The following CTXND1 variants were observed in gnomAD, a reference collection of about 807,000 sequenced individuals.
The protein encoded by CTXND1 is cortexin domain containing 1.
chr15:80,204,862 G>A (rs1375929316), intron 1 of CTXND1, among the ~76,000 whole-genome samples: 1 of 151,924 alleles, frequency 6.6e-6, no homozygotes, highest in Non-Finnish European at 1.5e-5. Context: ...TTAACTTTTT[G>A]AGGATTAAAT....
Position 80,224,150 on chromosome 15 carries a change from T to G in CTXND1, c.-217-20410A>C, listed in dbSNP as rs190879305. Among the ~76,000 whole-genome samples, 6 of 152,248 alleles carry G rather than the reference T, an allele frequency of 3.9e-5. No individual in the cohort carries two copies. In the East Asian group the frequency reaches 1.2e-3, roughly 29 times the overall value. On this transcript the variant is annotated intron_variant, in intron 1 of 2. Coordinates refer to ENST00000560778, the MANE Select transcript of CTXND1 (RefSeq NM_001352888.2). ...GGGATGCCTGAGGAACCCCAGCAGT[T>G]CCAGCCCCAGCTGTGTAAGTCTCCC...
chr15:80,240,532 A>G (rs949055315), intron 1 of CTXND1, among the ~76,000 whole-genome samples: 5 of 152,212 alleles, frequency 3.3e-5, no homozygotes, highest in African/African-American at 1.2e-4. Context: ...CCCAACAAAT[A>G]AAAAGCTGTT....
At chr15:80,211,293 A>G (rs949458834) in intron 1 of CTXND1, among the ~76,000 whole-genome samples, 4 of 152,222 alleles carry the variant, frequency 2.6e-5, no homozygotes, top group African/African-American at 9.6e-5. Context: ...GCGACATTAT[A>G]AATTCACTCA....
intron 1 of CTXND1, among the ~76,000 whole-genome samples, chr15:80,225,512 C>T (rs1893362615): frequency 6.6e-6 from 1 of 152,056 alleles, no homozygotes; most frequent in Non-Finnish European, 1.5e-5. Flanking sequence ...GATTTATCTT[C>T]CATATCTCTT....
chr15:80,242,560 G>A (rs538495327), intron 1 of CTXND1, among the ~76,000 whole-genome samples: 1 of 152,348 alleles, frequency 6.6e-6, no homozygotes, highest in South Asian at 2.1e-4. Context: ...TCAATGCCGA[G>A]GGAGGAGCCT....
intron 1 of CTXND1, among the ~76,000 whole-genome samples, chr15:80,228,575 G>A (rs1266955163): frequency 1.3e-5 from 2 of 151,730 alleles, no homozygotes; most frequent in Non-Finnish European, 2.9e-5. Flanking sequence ...CCTTTAGCAG[G>A]GTGCAGGTTG....
intron 1 of CTXND1, among the ~76,000 whole-genome samples, chr15:80,210,490 G>A (rs563406740): frequency 6.6e-6 from 1 of 152,250 alleles, no homozygotes; most frequent in African/African-American, 2.4e-5. Flanking sequence ...TGCCTTTTCT[G>A]TCCCACATCT....
chr15:80,219,136 G>A (rs577050970), intron 1 of CTXND1, among the ~76,000 whole-genome samples: 5 of 150,530 alleles, frequency 3.3e-5, no homozygotes, highest in African/African-American at 1.2e-4. Flanking sequence ...GTAGAGTGAG[G>A]GTCTCACTAC....
intron 1 of CTXND1, among the ~76,000 whole-genome samples, chr15:80,224,686 G>A (rs986701523): frequency 1.3e-5 from 2 of 152,162 alleles, no homozygotes; most frequent in Non-Finnish European, 2.9e-5. Flanking sequence ...CCCAAACAAT[G>A]AACAAGGTAT....
intron 1 of CTXND1, among the ~76,000 whole-genome samples, chr15:80,229,833 G>T (rs1893409588): frequency 6.6e-6 from 1 of 152,282 alleles, no homozygotes; most frequent in East Asian, 1.9e-4. Flanking sequence ...ATTACATGGA[G>T]TTCTTAAAAA....
At chr15:80,222,519 C>G (rs1893329279) in intron 1 of CTXND1, among the ~76,000 whole-genome samples, 1 of 152,018 alleles carries the variant, frequency 6.6e-6, no homozygotes, top group African/African-American at 2.4e-5. Context: ...TCAATTTTCC[C>G]CAATTATCTC....
At chr15:80,204,123 G>A (rs1893117591) in intron 1 of CTXND1, among the ~76,000 whole-genome samples, 1 of 112,542 alleles carries the variant, frequency 8.9e-6, no homozygotes, top group Non-Finnish European at 1.7e-5. Context: ...CTCCAGCCTG[G>A]GCGACAGAGC....
At chr15:80,213,059 T>G (rs1359773346) in intron 1 of CTXND1, among the ~76,000 whole-genome samples, 1 of 152,202 alleles carries the variant, frequency 6.6e-6, no homozygotes, top group Non-Finnish European at 1.5e-5. Context: ...TTTTCTCTTT[T>G]GAAATGAGAA....
intron 1 of CTXND1, among the ~76,000 whole-genome samples, chr15:80,239,640 C>A (rs545583488): frequency 1.3e-5 from 2 of 152,254 alleles, no homozygotes; most frequent in East Asian, 1.9e-4. Flanking sequence ...ATTGTGGGAC[C>A]TTATGATTGT....
Position 80,198,565 on chromosome 15 carries a change from G to T in CTXND1, c.*3205C>A, listed in dbSNP as rs553191511. ...GATCACAAAGGACCATCTCCTCTAT[G>T]CTTCAGCAGCATAATGCAACAACTG... On this transcript the variant is annotated 3_prime_UTR_variant, in exon 3 of 3. Transcript: ENST00000560778. 1 of 152,282 alleles carries T rather than the reference G, an allele frequency of 6.6e-6. No individual in the cohort carries two copies. The highest frequency in any genetic ancestry group is 1.5e-5 in the Non-Finnish European group (1 of 68,034). 9.4% of individuals were successfully genotyped at this position (152,282 alleles called of 1,614,324 possible).
intron 1 of CTXND1, among the ~76,000 whole-genome samples, chr15:80,237,336 GAAAAAAAAAAAAA>G (rs201997173): frequency 9.8e-6 from 1 of 101,572 alleles, no homozygotes; most frequent in Non-Finnish European, 2.0e-5. Context: ...CAGTGTCTCA[GAAAAAAAAAAAAA>G]AAAAAAAAGA....
intron 1 of CTXND1, among the ~76,000 whole-genome samples, chr15:80,211,800 A>T (rs546736637): frequency 6.6e-6 from 1 of 152,350 alleles, no homozygotes; most frequent in Admixed American, 6.5e-5. Flanking sequence ...AAGAACCACC[A>T]TACCAATTCT....
intron 1 of CTXND1, among the ~76,000 whole-genome samples, chr15:80,215,176 C>T (rs1893239134): frequency 6.6e-6 from 1 of 152,172 alleles, no homozygotes; most frequent in Non-Finnish European, 1.5e-5. Flanking sequence ...AAGGCCAAGT[C>T]CATGAAGCCA....
At chr15:80,220,164 TC>T (rs1567130851) in intron 1 of CTXND1, among the ~76,000 whole-genome samples, 2 of 151,792 alleles carry the variant, frequency 1.3e-5, no homozygotes, top group Admixed American at 6.6e-5. Flanking sequence ...TATCTATCTA[TC>T]TATCTATTTA....
Sources: gnomAD v4.1 joint callset for allele counts (sites outside exome capture counted in the v4.1 genomes callset) on GRCh38, gnomAD v4.1.1 for gene constraint, MANE v1.5 for transcripts, NCBI Gene and HGNC (gene_info 2026-07-23, HGNC 2026-07-21) for gene names.